The following MYH14 variants were observed in gnomAD, a reference collection of about 807,000 sequenced individuals.
MYH14 encodes the protein myosin-14.
A neutral mutation model predicts 255.5 loss-of-function variants in MYH14; 123 were observed. The ratio of observed to expected loss-of-function variants is 0.48; its 90% CI spans 0.42 to 0.56. MYH14 has a LOEUF of 0.56. Ranked by LOEUF, MYH14 falls within the 20% of genes least tolerant of loss-of-function variation. The pLI, the probability that MYH14 is intolerant of heterozygous loss-of-function variation, is 0.00. For missense variants in MYH14, 2,423 were observed against 2,802.3 expected, an observed-to-expected ratio of 0.86 and a Z score of 3.06; for synonymous variants, 1,095 against 1,161.2, an observed-to-expected ratio of 0.94 and a Z score of 1.16.
At position 50,281,976 on chromosome 19, in the gene MYH14, T is replaced by C. The variant is rs2035741595; in HGVS notation, c.4539+134T>C. On this transcript the variant is annotated intron_variant, in intron 33 of 42. Transcript: ENST00000642316. ...TGTAGTGGACCAGGAAGCAAGACCC[T>C]TCTTTGCTCTGGGCCTCTGTAAAAT... The C allele has an allele frequency of 3.3e-6, 3 of 919,520 alleles. No homozygotes were observed. The East Asian group carries it at 7.9e-5, about 24-fold the overall frequency. The allele number at this position is 919,520 out of a possible 1,614,324, so 57.0% of individuals were successfully genotyped here.
At chr19:50,251,109 T>C (rs1238193523) in intron 15 of MYH14, among the ~76,000 whole-genome samples, 1 of 152,132 alleles carries the variant, frequency 6.6e-6, no homozygotes, top group Admixed American at 6.5e-5. Context: ...AATAGGTCTT[T>C]CAGTGGAGGC....
At position 50,217,302 on chromosome 19, in the gene MYH14, C is replaced by T. The variant is rs117732241; in HGVS notation, c.406-313C>T. On this transcript the variant is annotated intron_variant, in intron 2 of 42. Coordinates refer to ENST00000642316, the MANE Select transcript of MYH14 (RefSeq NM_001145809.2). Reference sequence around the variant, plus strand: ...CAAAGAGTGCCTCAACCGGTCACCTCGCACATGGTCATTTCCTGTGTGAGT... The same window carrying T: ...CAAAGAGTGCCTCAACCGGTCACCTTGCACATGGTCATTTCCTGTGTGAGT... 0.018 allele frequency among the ~76,000 whole-genome samples: 2,787 copies of T among 152,298 alleles called. 44 individuals carry two copies. Among genetic ancestry groups the T allele is most frequent in the Middle Eastern group, 0.031 (9 of 294 alleles).
At chr19:50,220,354 ATTTTATTATACTTTAT>A (rs76690748) in intron 3 of MYH14, among the ~76,000 whole-genome samples, 71,620 of 146,190 alleles carry the variant, frequency 0.49, 19,764 homozygotes, top group Non-Finnish European at 0.63. Flanking sequence ...TAAGTATTTT[ATTTTATTATACTTTAT>A]TTTTATTATA....
intron 32 of MYH14, 49 bp from the exon 33 acceptor site, chr19:50,281,545 G>T: frequency 6.6e-7 from 1 of 1,523,268 alleles, no homozygotes; most frequent in Non-Finnish European, 8.8e-7. Context: ...CTTACACCTT[G>T]GTCACTCATG....
intron 27 of MYH14, among the ~76,000 whole-genome samples, chr19:50,273,586 T>G (rs2035392826): frequency 7.1e-6 from 1 of 141,468 alleles, no homozygotes; most frequent in African/African-American, 2.8e-5. Context: ...ATCTTAGAGT[T>G]GATGGAACAT....
In MYH14 at chr19:50,293,389, A is replaced by T; in HGVS notation, c.5345+68A>T. The T allele has an allele frequency of 6.6e-7, 1 of 1,525,160 alleles. No homozygotes were observed. Among genetic ancestry groups the T allele is most frequent in the Non-Finnish European group, 8.9e-7 (1 of 1,119,176 alleles). The allele number at this position is 1,525,160 out of a possible 1,614,324, so 94.5% of individuals were successfully genotyped here. A position where few individuals can be genotyped will look rare whatever the true frequency, so the allele number is the denominator to read the frequency against. ...AGGAGGTGAAGCTGGGGTAGGCTGG[A>T]GGTGGCTGGGCTCTGGGACAGGAAA... On this transcript the variant is annotated intron_variant, in intron 38 of 42. Transcript: ENST00000642316. The surrounding 1 kb of genome is among the most constrained non-coding windows in gnomAD (Gnocchi z 4.1).
At chr19:50,238,366 G>A (rs2033751825) in intron 10 of MYH14, among the ~76,000 whole-genome samples, 1 of 152,244 alleles carries the variant, frequency 6.6e-6, no homozygotes. Context: ...CTAAGCTGAT[G>A]TTAAGGAATG....
At chr19:50,306,287 A>C (rs2123490310) in intron 40 of MYH14, among the ~76,000 whole-genome samples, 1 of 152,308 alleles carries the variant, frequency 6.6e-6, no homozygotes, top group South Asian at 2.1e-4. Context: ...TCTCAAAAAA[A>C]AAGAAGTCTC....
intron 16 of MYH14, among the ~76,000 whole-genome samples, chr19:50,253,293 A>G (rs1026070596): frequency 6.6e-6 from 1 of 152,106 alleles, no homozygotes; most frequent in Admixed American, 6.6e-5. Context: ...AAGTACAACA[A>G]TTAGCCAGAT....
chr19:50,231,785 C>T lies in MYH14; in HGVS notation c.974-145C>T, dbSNP rs901708904. 9 of 1,067,274 alleles carry T rather than the reference C, an allele frequency of 8.4e-6. No homozygotes were observed. The Middle Eastern group carries it at 6.3e-4, about 75-fold the overall frequency. The allele number at this position is 1,067,274 out of a possible 1,614,324, so 66.1% of individuals were successfully genotyped here. On this transcript the variant is annotated intron_variant, in intron 9 of 42. Coordinates refer to ENST00000642316, the MANE Select transcript of MYH14 (RefSeq NM_001145809.2). ...TGCTAAACGCCCACTCCACCCCCGA[C>T]CCTTCCCACCACACTTGTGAGTAAA...
At chr19:50,278,406 A>C (rs1796198784) in intron 30 of MYH14, 117 bp downstream of exon 30, 1 of 729,974 alleles carries the variant, frequency 1.4e-6, no homozygotes, top group African/African-American at 1.8e-5. Context: ...CTCTTCCAAC[A>C]TAATCATGTA....
At chr19:50,260,568 C>T (rs2034785061) in intron 19 of MYH14, 78 bp from the exon 20 acceptor site, 4 of 944,024 alleles carry the variant, frequency 4.2e-6, no homozygotes, top group South Asian at 4.1e-5. Context: ...ACTCTGAGCC[C>T]AGTGCCTGGC....
At chr19:50,232,102 G>A (rs773217108) in intron 10 of MYH14, 32 bp downstream of exon 10, 26 of 1,606,356 alleles carry the variant, frequency 1.6e-5, no homozygotes, top group Middle Eastern at 3.3e-4. Context: ...CAGGGGTAGG[G>A]GGGAACCCCA....
In MYH14 at chr19:50,271,592, G is replaced by C. The variant is rs746570179; in HGVS notation, c.3171+46G>C. On this transcript the variant is annotated intron_variant, in intron 25 of 42. Transcript: ENST00000642316. ...TGGGAAAGTGGGGATGGGGTGCATT[G>C]GTGGGTTAATGAATGGTGAACTTCA... The C allele has an allele frequency of 1.3e-5, 20 of 1,582,708 alleles. No individual in the cohort carries two copies. The East Asian group carries it at 4.6e-4, about 36-fold the overall frequency.
intron 32 of MYH14, among the ~76,000 whole-genome samples, chr19:50,281,330 C>T (rs2123422626): frequency 6.6e-6 from 1 of 152,310 alleles, no homozygotes; most frequent in East Asian, 1.9e-4. Context: ...TCTGTGTCTC[C>T]CCCAGCAGCC....
chr19:50,284,529 G>A lies in MYH14; in HGVS notation c.4540-1953G>A, dbSNP rs546306902. Among the ~76,000 whole-genome samples, 50 of 151,742 alleles carry A rather than the reference G, an allele frequency of 3.3e-4. 1 individual carries two copies. The highest frequency in any genetic ancestry group is 1.1e-3 in the African/African-American group (47 of 41,412). ...ATTACAGGCACATGCCGCCACACCC[G>A]GCTAATTTTTTTATTTTTATTTTTT... On this transcript the variant is annotated intron_variant, in intron 33 of 42. Coordinates refer to ENST00000642316, the MANE Select transcript of MYH14 (RefSeq NM_001145809.2).
intron 39 of MYH14, among the ~76,000 whole-genome samples, chr19:50,300,564 C>A (rs2123475719): frequency 6.6e-6 from 1 of 152,150 alleles, no homozygotes; most frequent in East Asian, 1.9e-4. Context: ...GCCTGACCAA[C>A]ATGGAGAAAC....
chr19:50,224,042 C>G, intron 5 of MYH14, 112 bp from the exon 6 acceptor site: 1 of 730,606 alleles, frequency 1.4e-6, no homozygotes. Context: ...TCCCCAGTCC[C>G]CCTTCCCCCA....
Position 50,221,941 on chromosome 19 carries a change from C to A in MYH14, c.563-1142C>A, listed in dbSNP as rs1395361877. Among the ~76,000 whole-genome samples the A allele has an allele frequency of 6.6e-6, 1 of 152,144 alleles. No individual in the cohort carries two copies. Among genetic ancestry groups the A allele is most frequent in the Non-Finnish European group, 1.5e-5 (1 of 68,022 alleles). On this transcript the variant is annotated intron_variant, in intron 3 of 42. Transcript: ENST00000642316. The surrounding 1 kb of genome is among the most constrained non-coding windows in gnomAD (Gnocchi z 5.3). ...CTGAGAAGCCTTCCCTGCTCCTTCC[C>A]CCAAGTCAATTCTTATTACCTAACA...
Sources: gnomAD v4.1 joint callset for allele counts (sites outside exome capture counted in the v4.1 genomes callset) on GRCh38, gnomAD v4.1.1 for gene constraint, Gnocchi (gnomAD v3.1) non-coding constraint, MANE v1.5 for transcripts, NCBI Gene and HGNC (gene_info 2026-07-23, HGNC 2026-07-21) for gene names.